Variants in DSG4 observed in about 807,000 individuals in gnomAD.
DSG4 encodes desmoglein 4.
DSG4 carries 87 observed loss-of-function variants against 93.1 expected under a neutral mutation model. That is an observed-to-expected ratio of 0.93 (90% CI 0.79 to 1.12). The LOEUF (loss-of-function observed/expected upper bound fraction) is 1.12, where lower values mean the gene tolerates loss of function less well. DSG4 is among the 50% of genes most tolerant of loss of function. The pLI is 0.00. For missense variants in DSG4, 1,373 were observed against 1,285.7 expected, an observed-to-expected ratio of 1.07 and a Z score of -1.04; for synonymous variants, 432 against 452.9, an observed-to-expected ratio of 0.95 and a Z score of 0.59.
At chr18:31,396,053 C>A (rs1039628686) in intron 8 of DSG4, among the ~76,000 whole-genome samples, 1 of 152,148 alleles carries the variant, frequency 6.6e-6, no homozygotes, top group South Asian at 2.1e-4. Flanking sequence ...ATGAAAGTCT[C>A]TCTGTCAATA....
chr18:31,410,887 T>G (rs768132947), intron 14 of DSG4, among the ~76,000 whole-genome samples: 3 of 152,122 alleles, frequency 2.0e-5, no homozygotes, highest in Non-Finnish European at 4.4e-5. Context: ...TGGCCTTGCT[T>G]TGGAGGGCTC....
rs776581305 is a variant in DSG4, at chr18:31,400,862, C to A, written c.1278-19C>A. 2 of 1,610,268 alleles carry A rather than the reference C, an allele frequency of 1.2e-6. No homozygotes were observed. Among genetic ancestry groups the A allele is most frequent in the East Asian group, 2.2e-5 (1 of 44,682 alleles). On this transcript the variant is annotated intron_variant, in intron 9 of 15. Coordinates refer to ENST00000308128, the MANE Select transcript of DSG4 (RefSeq NM_177986.5). Reference sequence around the variant, plus strand: ...ACTTTCATAAAAGCATGATAACGAACTTTTTTATTTAAAAACAGATATATC... The same window carrying A: ...ACTTTCATAAAAGCATGATAACGAAATTTTTTATTTAAAAACAGATATATC...
intron 3 of DSG4, among the ~76,000 whole-genome samples, chr18:31,387,643 G>A (rs1416064615): frequency 6.6e-6 from 1 of 151,838 alleles, no homozygotes; most frequent in Non-Finnish European, 1.5e-5. Flanking sequence ...ATGTAAAAAG[G>A]GCCTTTGGAT....
At chr18:31,382,880 A>G (rs1341212015) in intron 1 of DSG4, among the ~76,000 whole-genome samples, 2 of 152,178 alleles carry the variant, frequency 1.3e-5, no homozygotes, top group Admixed American at 6.5e-5. Flanking sequence ...AAATTCAGGG[A>G]CAGCAAAAGG....
Position 31,413,608 on chromosome 18 carries a change from C to G in DSG4, c.*13C>G. 6.2e-7 allele frequency: 1 copy of G among 1,611,440 alleles called. No individual in the cohort carries two copies. The highest frequency in any genetic ancestry group is 8.5e-7 in the Non-Finnish European group (1 of 1,179,930). ...CACCCAACAGTAAGTGCTTTATGGT[C>G]AGTATTCTATGTGGAGACCTTGCAC... is the stretch of plus-strand genomic sequence containing the variant. On this transcript the variant is annotated 3_prime_UTR_variant, in exon 16 of 16. Transcript: ENST00000308128.
At chr18:31,396,905 T>A (rs1311704871) in intron 8 of DSG4, among the ~76,000 whole-genome samples, 1 of 152,134 alleles carries the variant, frequency 6.6e-6, no homozygotes, top group African/African-American at 2.4e-5. Flanking sequence ...CCCAGCTGTG[T>A]GTGCCCTGCT....
chr18:31,376,955 T>A lies in DSG4; in HGVS notation c.44T>A (p.Leu15Gln). ...FFRNICLLII[L>Q]MVVMEVNSEF... is the part of the protein sequence containing the mutation. ...AGAAACATTTGCCTTTTGATCATTC[T>A]AATGGTAAGTAGAATTTAAAGAGGT... Residue 15 changes from leucine to glutamine, a missense_variant, in exon 1 of 16, where the codon CTA becomes CAA. Coordinates refer to ENST00000308128, the MANE Select transcript of DSG4 (RefSeq NM_177986.5). 1.2e-6 allele frequency: 2 copies of A among 1,613,400 alleles called. No individual in the cohort carries two copies. The highest frequency in any genetic ancestry group is 1.7e-6 in the Non-Finnish European group (2 of 1,179,566).
Position 31,403,626 on chromosome 18 carries a change from C to G in DSG4, c.1628C>G (p.Ser543Ter). 1.2e-6 allele frequency: 2 copies of G among 1,613,870 alleles called. No individual in the cohort carries two copies. Among genetic ancestry groups the G allele is most frequent in the Non-Finnish European group, 1.7e-6 (2 of 1,179,866 alleles). ...ATAGCTGACATGTGGGATGTCAGAT[C>G]AACAAATGGTAAGTGAAACGTAAGC... is the stretch of plus-strand genomic sequence containing the variant. ...PGIADMWDVR[S>*]TNATSAILTA... Residue 543 changes from serine (S) to a stop codon, truncating the protein, a stop_gained, in exon 11 of 16, where the codon TCA (serine) becomes TGA (stop). Coordinates refer to ENST00000308128, the MANE Select transcript of DSG4 (RefSeq NM_177986.5). LOFTEE classifies it high-confidence loss of function.
chr18:31,411,084 G>T (rs559058148), intron 14 of DSG4, 147 bp from the exon 15 acceptor site: 16 of 1,564,042 alleles, frequency 1.0e-5, no homozygotes, highest in Non-Finnish European at 1.4e-5. Context: ...AGATGTATCG[G>T]TGTAACTTGT....
intron 14 of DSG4, among the ~76,000 whole-genome samples, chr18:31,410,864 G>T (rs2072479580): frequency 6.6e-6 from 1 of 152,168 alleles, no homozygotes; most frequent in Non-Finnish European, 1.5e-5. Context: ...CTCAGTTTCT[G>T]CAATCACGCC....
At chr18:31,391,312 C>T (rs952827307) in intron 7 of DSG4, 100 bp downstream of exon 7, 2 of 1,527,942 alleles carry the variant, frequency 1.3e-6, no homozygotes, top group Non-Finnish European at 1.8e-6. Flanking sequence ...CTGGTTCTGT[C>T]CTATGTGTGG....
At chr18:31,399,659 C>A (rs1333787421) in intron 9 of DSG4, 116 bp downstream of exon 9, 1 of 1,371,696 alleles carries the variant, frequency 7.3e-7, no homozygotes, top group African/African-American at 1.4e-5. Flanking sequence ...TTTATTATTC[C>A]TTTGATTTAA....
intron 8 of DSG4, among the ~76,000 whole-genome samples, chr18:31,394,594 A>G (rs994968201): frequency 2.6e-5 from 4 of 152,172 alleles, no homozygotes; most frequent in African/African-American, 7.2e-5. Context: ...TCAACTCTGA[A>G]AAGACCACAG....
intron 1 of DSG4, 94 bp from the exon 2 acceptor site, chr18:31,385,042 T>C: frequency 9.2e-7 from 1 of 1,083,180 alleles, no homozygotes; most frequent in South Asian, 1.3e-5. Context: ...TATTTAAAAA[T>C]GAATTAATAA....
chr18:31,409,331 A>C, intron 12 of DSG4, 121 bp from the exon 13 acceptor site: 1 of 1,444,510 alleles, frequency 6.9e-7, no homozygotes, highest in Non-Finnish European at 9.6e-7. Context: ...AGATTTTCTT[A>C]CATATATTTG....
Position 31,386,755 on chromosome 18 carries a change from G to T in DSG4, c.152G>T (p.Trp51Leu). The T allele has an allele frequency of 6.2e-7, 1 of 1,613,526 alleles. No individual in the cohort carries two copies. The highest frequency in any genetic ancestry group is 8.5e-7 in the Non-Finnish European group (1 of 1,179,570). The change falls in exon 3 of 16, where the codon TGG becomes TTG. Residue 51 changes from tryptophan (W) to leucine (L), a missense_variant. By Grantham distance (61) the Trp-to-Leu change is moderately conservative. Coordinates refer to ENST00000308128, the MANE Select transcript of DSG4 (RefSeq NM_177986.5). Reference protein sequence around the residue: ...WQTVRRQKREWIKFAAACREG... With the variant: ...WQTVRRQKRELIKFAAACREG... Reference sequence around the variant, plus strand: ...ACAGTCAGAAGACAAAAGCGGGAGTGGATCAAGTTTGCCGCAGCCTGTCGA... The same window carrying T: ...ACAGTCAGAAGACAAAAGCGGGAGTTGATCAAGTTTGCCGCAGCCTGTCGA...
At chr18:31,399,192 G>A (rs2072336859) in intron 8 of DSG4, 80 bp from the exon 9 acceptor site, 2 of 1,582,004 alleles carry the variant, frequency 1.3e-6, no homozygotes, top group Non-Finnish European at 1.7e-6. Context: ...CTAGTGTGTG[G>A]TTTGCTTTAC....
chr18:31,385,724 G>A (rs1030357846), intron 2 of DSG4, among the ~76,000 whole-genome samples: 3 of 151,936 alleles, frequency 2.0e-5, no homozygotes, highest in African/African-American at 7.3e-5. Flanking sequence ...TCATCTTTTT[G>A]GTGAAATAGG....
intron 10 of DSG4, among the ~76,000 whole-genome samples, chr18:31,402,072 T>C (rs1277067130): frequency 6.6e-6 from 1 of 152,208 alleles, no homozygotes; most frequent in Non-Finnish European, 1.5e-5. Context: ...ATTGGTCATA[T>C]GTGAAAAATC....
Sources: gnomAD v4.1 joint callset for allele counts (sites outside exome capture counted in the v4.1 genomes callset) on GRCh38, gnomAD v4.1.1 for gene constraint, MANE v1.5 for transcripts, NCBI Gene and HGNC (gene_info 2026-07-23, HGNC 2026-07-21) for gene names.